RNASE9: variants seen among roughly 807,000 people sequenced by gnomAD.
RNASE9 encodes the protein ribonuclease A family member 9 (inactive).
For synonymous variants in RNASE9, 95 were observed against 87.6 expected (o/e 1.08, Z -0.47); for missense variants, 263 against 247.1 (o/e 1.06, Z -0.43).
chr14:20,558,443 T>A (rs1446290568), exon 3 of RNASE9: 1 of 789,918 alleles, frequency 1.3e-6, no homozygotes, highest in Non-Finnish European at 2.2e-6. Context: ...AAGAAAAAGT[T>A]GCCTAAAATG....
chr14:20,559,512 A>T (rs1292708144), intron 2 of RNASE9, 70 bp downstream of exon 2: 1 of 152,118 alleles, frequency 6.6e-6, no homozygotes, highest in Non-Finnish European at 1.5e-5. Context: ...ATAGTGTTGA[A>T]ACATGATCAC....
chr14:20,559,999 G>A (rs1314840242), intron 1 of RNASE9, among the ~76,000 whole-genome samples: 1 of 152,048 alleles, frequency 6.6e-6, no homozygotes, highest in African/African-American at 2.4e-5. Context: ...CTCCTAAAAT[G>A]CAAGTTCTGA....
exon 3 of RNASE9, chr14:20,558,633 C>G: frequency 6.5e-7 from 1 of 1,526,828 alleles, no homozygotes; most frequent in Non-Finnish European, 8.9e-7. Flanking sequence ...GAACGCGGAG[C>G]CTCTGCAACA....
At chr14:20,558,149 T>A in exon 3 of RNASE9, 1 of 301,224 alleles carries the variant, frequency 3.3e-6, no homozygotes. Flanking sequence ...AATTATTTAA[T>A]TGCAGAAGCA....
At chr14:20,560,000 C>G (rs971821432) in intron 1 of RNASE9, among the ~76,000 whole-genome samples, 5 of 152,076 alleles carry the variant, frequency 3.3e-5, no homozygotes, top group African/African-American at 1.2e-4. Flanking sequence ...TCCTAAAATG[C>G]AAGTTCTGAG....
chr14:20,559,082 A>G (rs1293433542), intron 2 of RNASE9, among the ~76,000 whole-genome samples: 1 of 151,704 alleles, frequency 6.6e-6, no homozygotes, highest in Non-Finnish European at 1.5e-5. Flanking sequence ...TTGTGTTTTG[A>G]TATGCCAATA....
chr14:20,557,288 TAAGAG>T (rs1165133600), exon 3 of RNASE9: 9 of 458,278 alleles, frequency 2.0e-5, no homozygotes, highest in African/African-American at 9.9e-5. Flanking sequence ...AGAGCTGTGG[TAAGAG>T]AAGAAAAGGT....
chr14:20,558,956 T>A (rs1396355886), intron 2 of RNASE9, among the ~76,000 whole-genome samples: 1 of 152,196 alleles, frequency 6.6e-6, no homozygotes, highest in Admixed American at 6.5e-5. Flanking sequence ...TGTGGTCTTT[T>A]TTCACATGGT....
intron 2 of RNASE9, 55 bp downstream of exon 2, chr14:20,559,526 GT>G (rs1883867779): frequency 6.6e-6 from 1 of 152,144 alleles, no homozygotes; most frequent in Non-Finnish European, 1.5e-5. Flanking sequence ...TGATCACTCA[GT>G]GTTTCTGAAG....
At chr14:20,556,962 T>G in exon 3 of RNASE9, 1 of 1,614,130 alleles carries the variant, frequency 6.2e-7, no homozygotes. Flanking sequence ...TATCTTCTTC[T>G]GGGAAATCAA....
chr14:20,557,361 C>A, exon 3 of RNASE9: 3 of 350,650 alleles, frequency 8.6e-6, no homozygotes, highest in Non-Finnish European at 1.0e-5. Flanking sequence ...GAAAAGGAAA[C>A]AAGGAAGAAA....
exon 3 of RNASE9, chr14:20,558,506 C>T (rs1347484092): frequency 2.1e-6 from 3 of 1,462,442 alleles, no homozygotes; most frequent in Non-Finnish European, 2.8e-6. Flanking sequence ...TGTCCCTCCC[C>T]TCCCTGCTTT....
At chr14:20,557,994 A>G (rs1379674356) in exon 3 of RNASE9, 3 of 163,576 alleles carry the variant, frequency 1.8e-5, no homozygotes, top group Admixed American at 5.8e-5. Flanking sequence ...TATGGCCTCT[A>G]TCAGTCTGGT....
chr14:20,557,097 C>T lies in RNASE9; in HGVS notation c.-28G>A, dbSNP rs367831904. 2.3e-5 allele frequency: 36 copies of T among 1,585,120 alleles called. No individual in the cohort carries two copies. The highest frequency in any genetic ancestry group is 3.5e-5 in the South Asian group (3 of 86,302). ...TTCCTGCAGACACTAAAAGAGATAA[C>T]GGGATATGTTCTATTGTGATAATGT... On this transcript the variant is annotated 5_prime_UTR_variant, in exon 3 of 3. Transcript: ENST00000555230.
At chr14:20,556,595 A>G (rs778344797) in exon 3 of RNASE9, 1 of 1,613,886 alleles carries the variant, frequency 6.2e-7, no homozygotes, top group Non-Finnish European at 8.5e-7. Flanking sequence ...CCCTTCCTAT[A>G]AAGTGATTCG....
chr14:20,556,842 T>A (rs755309088), exon 3 of RNASE9: 1 of 1,614,222 alleles, frequency 6.2e-7, no homozygotes, highest in South Asian at 1.1e-5. Context: ...TATGATTTAG[T>A]GGCATTCCAG....
chr14:20,560,789 T>G (rs1883924389), intron 1 of RNASE9, 85 bp downstream of exon 1: 1 of 152,130 alleles, frequency 6.6e-6, no homozygotes, highest in African/African-American at 2.4e-5. Flanking sequence ...CATTAAAAAC[T>G]TTAGAGATAT....
At position 20,557,312 on chromosome 14, in the gene RNASE9, G is replaced by A. The variant is rs376533310; in HGVS notation, c.-243C>T. On this transcript the variant is annotated 5_prime_UTR_variant, in exon 3 of 3. Transcript: ENST00000555230. ...GTAAGAGAAGAAAAGGTGAAAGGAA[G>A]GAGAATGAGAAAGGGAGAGAAATAA... The A allele has an allele frequency of 2.8e-5, 12 of 436,090 alleles. No individual in the cohort carries two copies. In the South Asian group the frequency reaches 3.4e-4, roughly 12 times the overall value. 27.0% of individuals were successfully genotyped at this position (436,090 alleles called of 1,614,324 possible).
At chr14:20,556,686 C>T (rs758777788) in exon 3 of RNASE9, 2 of 1,613,758 alleles carry the variant, frequency 1.2e-6, no homozygotes, top group Non-Finnish European at 1.7e-6. Flanking sequence ...TGTTACATTT[C>T]CTAATTCCAT....
Sources: gnomAD v4.1 joint callset for allele counts (sites outside exome capture counted in the v4.1 genomes callset) on GRCh38, gnomAD v4.1.1 for gene constraint, MANE v1.5 for transcripts, NCBI Gene and HGNC (gene_info 2026-07-23, HGNC 2026-07-21) for gene names.